Variants in ANKS1B observed in about 807,000 individuals in gnomAD.
ANKS1B encodes ankyrin repeat and sterile alpha motif domain containing 1B.
In ANKS1B, 36 loss-of-function variants were observed where a neutral mutation model predicts 148.3. The ratio of observed to expected loss-of-function variants is 0.24; its 90% CI spans 0.19 to 0.32. The LOEUF (loss-of-function observed/expected upper bound fraction) is 0.32. Among genes scored for constraint, ANKS1B ranks in the 10% least tolerant of loss-of-function variants. The pLI, the probability that ANKS1B is intolerant of heterozygous loss-of-function variation, is 1.00. For missense variants in ANKS1B, 1,157 were observed against 1,542.6 expected (o/e 0.75, Z 4.19); for synonymous variants, 542 against 560.8 (o/e 0.97, Z 0.47).
chr12:99,164,505 G>A lies in ANKS1B; in HGVS notation c.2420-10110C>T, dbSNP rs1218380570. Among the ~76,000 whole-genome samples, 2 of 151,872 alleles carry A rather than the reference G, an allele frequency of 1.3e-5. 1 individual carries two copies. The highest frequency in any genetic ancestry group is 4.8e-5 in the African/African-American group (2 of 41,380). On this transcript the variant is annotated intron_variant, in intron 14 of 26. Transcript: ENST00000683438. ...TCTCTTTTTAACTTTGTGACTCTGAGATACTTCTCTATTCCTTTCAAGGTT... is the reference window on the plus strand; with the variant it reads ...TCTCTTTTTAACTTTGTGACTCTGAAATACTTCTCTATTCCTTTCAAGGTT...
At chr12:99,686,565 T>C (rs1231862994) in intron 8 of ANKS1B, among the ~76,000 whole-genome samples, 1 of 152,182 alleles carries the variant, frequency 6.6e-6, no homozygotes, top group East Asian at 1.9e-4. Flanking sequence ...CTTAAGTTTT[T>C]CTTGTAATAA....
In ANKS1B at chr12:98,744,012, T is replaced by TA. The variant is rs1180193298; in HGVS notation, c.*1726dup. The TA allele has an allele frequency of 4.1e-6, 4 of 983,954 alleles. No individual in the cohort carries two copies. The African/African-American group carries it at 7.0e-5, about 17-fold the overall frequency. The allele number at this position is 983,954 out of a possible 1,614,324, so 61.0% of individuals were successfully genotyped here. ...CTGTTTTATTTTTGTGTGCTTTTTT[T>TA]ATAGGATATAAATAATGACAAAAAT... On this transcript the variant is annotated 3_prime_UTR_variant, in exon 27 of 27. Coordinates refer to ENST00000683438, the MANE Select transcript of ANKS1B (RefSeq NM_001352186.2).
At chr12:99,464,626 C>G (rs1222811129) in intron 10 of ANKS1B, among the ~76,000 whole-genome samples, 2 of 152,022 alleles carry the variant, frequency 1.3e-5, no homozygotes, top group East Asian at 1.9e-4. Flanking sequence ...AGCCAAGGCT[C>G]GAGAACTACG....
At chr12:99,669,776 T>C (rs2153465321) in intron 8 of ANKS1B, among the ~76,000 whole-genome samples, 1 of 152,302 alleles carries the variant, frequency 6.6e-6, no homozygotes, top group African/African-American at 2.4e-5. Context: ...TCTTTTCTGT[T>C]CCTCTGCCTG....
At chr12:99,684,086 C>T (rs2098636448) in intron 8 of ANKS1B, among the ~76,000 whole-genome samples, 1 of 152,052 alleles carries the variant, frequency 6.6e-6, no homozygotes, top group African/African-American at 2.4e-5. Context: ...TTCTATTCAA[C>T]ATAGTACTAG....
intron 8 of ANKS1B, among the ~76,000 whole-genome samples, chr12:99,675,709 G>T (rs961877358): frequency 2.0e-5 from 3 of 151,312 alleles, no homozygotes; most frequent in Non-Finnish European, 4.4e-5. Flanking sequence ...TTTTACTCAA[G>T]GATATTTATC....
intron 15 of ANKS1B, among the ~76,000 whole-genome samples, chr12:99,148,588 A>G (rs2073955881): frequency 6.6e-6 from 1 of 152,174 alleles, no homozygotes; most frequent in African/African-American, 2.4e-5. Context: ...TAAAGAGCTC[A>G]AAATATTAAA....
chr12:99,719,568 T>C (rs1414129717), intron 8 of ANKS1B, among the ~76,000 whole-genome samples: 1 of 152,164 alleles, frequency 6.6e-6, no homozygotes, highest in Non-Finnish European at 1.5e-5. Flanking sequence ...AGGCTACTGC[T>C]CTGCCCCCCT....
intron 9 of ANKS1B, among the ~76,000 whole-genome samples, chr12:99,559,332 C>A (rs1187556803): frequency 6.6e-6 from 1 of 152,142 alleles, no homozygotes; most frequent in African/African-American, 2.4e-5. Context: ...GTTGATTTTG[C>A]ACAATATTTT....
Position 99,292,210 on chromosome 12 carries a change from T to G in ANKS1B, c.1757-45346A>C, listed in dbSNP as rs912508891. 3.3e-5 allele frequency among the ~76,000 whole-genome samples: 5 copies of G among 151,938 alleles called. No homozygotes were observed. In the East Asian group the frequency reaches 9.7e-4, roughly 29 times the overall value. On this transcript the variant is annotated intron_variant, in intron 12 of 26. Coordinates refer to ENST00000683438, the MANE Select transcript of ANKS1B (RefSeq NM_001352186.2). Reference sequence around the variant, plus strand: ...ACGGCAAAAGAAACTACCATCAGATTGGCTGGGCATGGTGGCTCACGCCTG... The same window carrying G: ...ACGGCAAAAGAAACTACCATCAGATGGGCTGGGCATGGTGGCTCACGCCTG...
chr12:99,806,575 G>A lies in ANKS1B; in HGVS notation c.498C>T (p.Asp166=). The part of the protein sequence containing the change: ...IRNSKLETPL[D]LAALYGRLRV... ...TAAGCCGTCCGTAGAGTGCCGCCAA[G>A]TCCAAAGGTGTTTCCAGCTTGCTAT... The change falls in exon 4 of 27, where the codon GAC becomes GAT. Residue 166 remains aspartate, a synonymous_variant. Transcript: ENST00000683438. 1 of 1,613,948 alleles carries A rather than the reference G, an allele frequency of 6.2e-7. No homozygotes were observed. Among genetic ancestry groups the A allele is most frequent in the East Asian group, 2.2e-5 (1 of 44,866 alleles).
chr12:99,318,769 T>A (rs2084662239), intron 12 of ANKS1B, among the ~76,000 whole-genome samples: 1 of 152,206 alleles, frequency 6.6e-6, no homozygotes, highest in Non-Finnish European at 1.5e-5. Context: ...TGTTAGCGTG[T>A]CAATTTTAGA....
intron 17 of ANKS1B, among the ~76,000 whole-genome samples, chr12:98,939,089 G>A (rs540050518): frequency 6.6e-6 from 1 of 152,116 alleles, no homozygotes; most frequent in East Asian, 1.9e-4. Flanking sequence ...AATTAGACTC[G>A]AACTGCATCT....
intron 16 of ANKS1B, among the ~76,000 whole-genome samples, chr12:99,070,550 A>T (rs1274611845): frequency 6.6e-6 from 1 of 152,238 alleles, no homozygotes; most frequent in Non-Finnish European, 1.5e-5. Flanking sequence ...GTTATTACGA[A>T]TGAGAAAAAA....
intron 9 of ANKS1B, among the ~76,000 whole-genome samples, chr12:99,644,261 A>T (rs2098338167): frequency 1.3e-5 from 2 of 152,056 alleles, no homozygotes; most frequent in African/African-American, 2.4e-5. Flanking sequence ...TTTCCTATTT[A>T]TTTCTGAGTC....
intron 12 of ANKS1B, among the ~76,000 whole-genome samples, chr12:99,276,576 C>G (rs1006151809): frequency 6.6e-6 from 1 of 152,172 alleles, no homozygotes; most frequent in Non-Finnish European, 1.5e-5. Context: ...AGAAGCCAAC[C>G]CTGCTGCAAC....
chr12:99,831,665 T>C (rs1241732579), intron 1 of ANKS1B, among the ~76,000 whole-genome samples: 1 of 152,002 alleles, frequency 6.6e-6, no homozygotes, highest in African/African-American at 2.4e-5. Context: ...ACCCACAGCA[T>C]CAGTGTCTTA....
At chr12:98,818,597 G>A (rs1415319512) in intron 19 of ANKS1B, among the ~76,000 whole-genome samples, 4 of 152,066 alleles carry the variant, frequency 2.6e-5, no homozygotes, top group South Asian at 4.2e-4. Flanking sequence ...GCTATCAAAC[G>A]TTTTTCAGGG....
chr12:99,552,151 G>T (rs914195514), intron 9 of ANKS1B, among the ~76,000 whole-genome samples: 1 of 152,046 alleles, frequency 6.6e-6, no homozygotes, highest in South Asian at 2.1e-4. Flanking sequence ...CCTTGTGAAT[G>T]ACTAGGTCAA....
Sources: allele counts gnomAD v4.1 joint callset (sites outside exome capture counted in the v4.1 genomes callset), GRCh38; gene constraint gnomAD v4.1.1; transcripts MANE v1.5; gene names NCBI Gene and HGNC (gene_info 2026-07-23, HGNC 2026-07-21).